MEX3A: variants seen among roughly 807,000 people sequenced by gnomAD.
The protein encoded by MEX3A is mex-3 RNA binding family member A, also known as RNA-binding protein MEX3A.
In MEX3A, 4 loss-of-function variants were observed where a neutral mutation model predicts 30.0. The observed-to-expected ratio is 0.13, with a 90% CI of 0.07 to 0.30. The LOEUF (loss-of-function observed/expected upper bound fraction) is 0.30, where lower values mean the gene tolerates loss of function less well. Among genes scored for constraint, MEX3A ranks in the 10% least tolerant of loss-of-function variants. MEX3A has a pLI of 1.00. For missense variants in MEX3A, 555 were observed against 736.7 expected, an observed-to-expected ratio of 0.75 and a Z score of 2.86; for synonymous variants, 335 against 327.6, an observed-to-expected ratio of 1.02 and a Z score of -0.24.
Position 156,082,464 on chromosome 1 carries a change from T to C in MEX3A, c.-466A>G. ...AGCCCCTTCCAGCGCTCAAACTCTTTTGTTTTAAATGAACTGGATGGAGCA... is the reference window on the plus strand; with the variant it reads ...AGCCCCTTCCAGCGCTCAAACTCTTCTGTTTTAAATGAACTGGATGGAGCA... On this transcript the variant is annotated 5_prime_UTR_variant, in exon 1 of 2. Coordinates refer to ENST00000532414, the MANE Select transcript of MEX3A (RefSeq NM_001093725.2). 6.3e-6 allele frequency: 1 copy of C among 157,950 alleles called. No homozygotes were observed. The highest frequency in any genetic ancestry group is 1.4e-5 in the Non-Finnish European group (1 of 71,850). 9.8% of individuals were successfully genotyped at this position (157,950 alleles called of 1,614,324 possible).
In MEX3A at chr1:156,077,813, C is replaced by T. The variant is rs1176429355; in HGVS notation, c.455-131G>A. On this transcript the variant is annotated intron_variant, in intron 1 of 1. Coordinates refer to ENST00000532414, the MANE Select transcript of MEX3A (RefSeq NM_001093725.2). The surrounding 1 kb of genome is among the most constrained non-coding windows in gnomAD (Gnocchi z 8.3). ...ACACTTCAGTCTACCCTTTGAAATG[C>T]CCACTGCTGCACACACAGTCCACCC... The T allele has an allele frequency of 8.4e-6, 11 of 1,311,782 alleles. No individual in the cohort carries two copies. The East Asian group carries it at 1.5e-4, about 18-fold the overall frequency. The allele number at this position is 1,311,782 out of a possible 1,614,324, so 81.3% of individuals were successfully genotyped here.
rs913157465 is a variant in MEX3A, at chr1:156,072,788, C to A, written c.*3786G>T. The A allele has an allele frequency of 1.3e-5, 2 of 152,646 alleles. No homozygotes were observed. The highest frequency in any genetic ancestry group is 4.8e-5 in the African/African-American group (2 of 41,446). The allele number at this position is 152,646 out of a possible 1,614,324, so 9.5% of individuals were successfully genotyped here. A position where few individuals can be genotyped will look rare whatever the true frequency, so the allele number is the denominator to read the frequency against. ...AAGTCCCTGTGCCTTTCCCCAGCCT[C>A]TGTGCCCATGGGGATGCCTTTCTCC... On this transcript the variant is annotated 3_prime_UTR_variant, in exon 2 of 2. Transcript: ENST00000532414.
rs1257864013 is a variant in MEX3A at position 156,076,863 on chromosome 1, G to A, written c.1274C>T (p.Ala425Val). 4.6e-6 allele frequency: 7 copies of A among 1,536,340 alleles called. No homozygotes were observed. Among genetic ancestry groups the A allele is most frequent in the Non-Finnish European group, 6.1e-6 (7 of 1,140,900 alleles). ...CGCGGAAGTGGCAGGGGAGCGGTGT[G>A]CGCCCGGGGGCCCAGCGCGGGCCTT... ...SAKARAGPPG[A>V]HRSPATSAGP... The change falls in exon 2 of 2, where the codon GCA becomes GTA. Residue 425 changes from alanine to valine, a missense_variant. Around this residue, in one of 6 missense-constraint regions of MEX3A, gnomAD observed 281 missense variants for 265.1 expected, o/e 1.06. Transcript: ENST00000532414. This position sits in a 1 kb window ranked among gnomAD's most constrained non-coding sequence, Gnocchi z 6.0.
chr1:156,080,646 C>T (rs192976548), intron 1 of MEX3A, among the ~76,000 whole-genome samples: 1 of 152,248 alleles, frequency 6.6e-6, no homozygotes, highest in East Asian at 1.9e-4. Context: ...ACTCACCCAC[C>T]CAGGGATGCT....
chr1:156,076,790 G>T lies in MEX3A; in HGVS notation c.1347C>A (p.Leu449=). ...CCCCACCAAGTTTAGAGAAGCCCTG[G>T]AGCGGCTCTCCCGGGGGGCGCCTCG... is the stretch of plus-strand genomic sequence containing the variant. ...GLPRRPPGEP[L]QGFSKLGGGG... Residue 449 remains leucine (L), a synonymous_variant, in exon 2 of 2, where the codon CTC becomes CTA. Coordinates refer to ENST00000532414, the MANE Select transcript of MEX3A (RefSeq NM_001093725.2). The surrounding 1 kb of genome is among the most constrained non-coding windows in gnomAD (Gnocchi z 6.0). 1.9e-6 allele frequency: 3 copies of T among 1,572,108 alleles called. No homozygotes were observed. The highest frequency in any genetic ancestry group is 2.6e-6 in the Non-Finnish European group (3 of 1,158,930).
In MEX3A at chr1:156,077,051, GTCCCCGCCCTGC is replaced by G; in HGVS notation, c.1074_1085del (p.Glu358_Gly361del). The G allele has an allele frequency of 1.9e-6, 3 of 1,613,902 alleles. No individual in the cohort carries two copies. The highest frequency in any genetic ancestry group is 2.5e-6 in the Non-Finnish European group (3 of 1,179,838). The stretch of plus-strand genomic sequence containing the variant: ...GAAAGAGGTACCCGCCGTAGCCAAA[GTCCCCGCCCTGC>G]TCACCCAGGCGTGGGGCCTCAAAGC... On this transcript the variant is annotated inframe_deletion, in exon 2 of 2. Transcript: ENST00000532414. This position sits in a 1 kb window ranked among gnomAD's most constrained non-coding sequence, Gnocchi z 8.3.
At chr1:156,081,216 C>A (rs1309049828) in intron 1 of MEX3A, among the ~76,000 whole-genome samples, 1 of 152,196 alleles carries the variant, frequency 6.6e-6, no homozygotes, top group Non-Finnish European at 1.5e-5. Flanking sequence ...TTGCACATTC[C>A]GTCAGTTTTT....
Position 156,072,078 on chromosome 1 carries a change from C to T in MEX3A, c.*4496G>A, listed in dbSNP as rs1647922138. Reference sequence around the variant, plus strand: ...CACATTTAATACATTAACCCTCCCCCTTCTTGGTTTCTCTGCATTTTGTGC... The same window carrying T: ...CACATTTAATACATTAACCCTCCCCTTTCTTGGTTTCTCTGCATTTTGTGC... On this transcript the variant is annotated 3_prime_UTR_variant, in exon 2 of 2. Transcript: ENST00000532414. 6.5e-6 allele frequency: 1 copy of T among 152,778 alleles called. No individual in the cohort carries two copies. The highest frequency in any genetic ancestry group is 2.4e-5 in the African/African-American group (1 of 41,452). 9.5% of individuals were successfully genotyped at this position (152,778 alleles called of 1,614,324 possible). A position where few individuals can be genotyped will look rare whatever the true frequency, so the allele number is the denominator to read the frequency against.
rs1202084026 is a variant in MEX3A, at chr1:156,076,442, C to T, written c.*132G>A. 22 of 952,132 alleles carry T rather than the reference C, an allele frequency of 2.3e-5. No individual in the cohort carries two copies. In the East Asian group the frequency reaches 2.5e-4, roughly 11 times the overall value. 59.0% of individuals were successfully genotyped at this position (952,132 alleles called of 1,614,324 possible). ...ACCCTCCAGCCACCACTGCCTCCCT[C>T]CCCCCTTCCCCAGCGAGCGAGTATC... On this transcript the variant is annotated 3_prime_UTR_variant, in exon 2 of 2. Transcript: ENST00000532414. This position sits in a 1 kb window ranked among gnomAD's most constrained non-coding sequence, Gnocchi z 6.0.
chr1:156,073,863 G>T lies in MEX3A; in HGVS notation c.*2711C>A, dbSNP rs1424318122. Reference sequence around the variant, plus strand: ...GCGACAGGGCAGGGGAAAGTGGTGGGGGACACCCCAGGATCCTCAGTCCTT... The same window carrying T: ...GCGACAGGGCAGGGGAAAGTGGTGGTGGACACCCCAGGATCCTCAGTCCTT... On this transcript the variant is annotated 3_prime_UTR_variant, in exon 2 of 2. Transcript: ENST00000532414. 1 of 152,706 alleles carries T rather than the reference G, an allele frequency of 6.5e-6. No homozygotes were observed. Among genetic ancestry groups the T allele is most frequent in the Non-Finnish European group, 1.5e-5 (1 of 68,016 alleles). The allele number at this position is 152,706 out of a possible 1,614,324, so 9.5% of individuals were successfully genotyped here. A position where few individuals can be genotyped will look rare whatever the true frequency, so the allele number is the denominator to read the frequency against.
In MEX3A at chr1:156,082,065, GGA is replaced by G; in HGVS notation, c.-69_-68del. On this transcript the variant is annotated 5_prime_UTR_variant, in exon 1 of 2. Coordinates refer to ENST00000532414, the MANE Select transcript of MEX3A (RefSeq NM_001093725.2). ...GAGAGAGGTGGTGGAAGGGAAAAGA[GGA>G]GAGAGGAGGGGAGGGGAGAGGAGAG... 1.4e-6 allele frequency: 1 copy of G among 734,206 alleles called. No homozygotes were observed. Among genetic ancestry groups the G allele is most frequent in the Non-Finnish European group, 2.0e-6 (1 of 504,894 alleles). 45.5% of individuals were successfully genotyped at this position (734,206 alleles called of 1,614,324 possible).
In MEX3A at chr1:156,077,159, G is replaced by T; in HGVS notation, c.978C>A (p.Pro326=). The change falls in exon 2 of 2, where the codon CCC becomes CCA. Residue 326 remains proline (P), a synonymous_variant. Coordinates refer to ENST00000532414, the MANE Select transcript of MEX3A (RefSeq NM_001093725.2). The surrounding 1 kb of genome is among the most constrained non-coding windows in gnomAD (Gnocchi z 8.3). ...RYSDAWRVHQ[P]GCKPLSTFRQ... is the part of the protein sequence containing the mutation. ...GGAAGGTGGAGAGGGGCTTGCAGCC[G>T]GGCTGGTGCACCCGCCAGGCGTCGG... The T allele has an allele frequency of 6.2e-7, 1 of 1,613,512 alleles. No homozygotes were observed.
At position 156,077,219 on chromosome 1, in the gene MEX3A, C is replaced by T. The variant is rs375692211; in HGVS notation, c.918G>A (p.Ala306=). Residue 306 remains alanine (A), a synonymous_variant, in exon 2 of 2, where the codon GCG becomes GCA. Coordinates refer to ENST00000532414, the MANE Select transcript of MEX3A (RefSeq NM_001093725.2). The surrounding 1 kb of genome is among the most constrained non-coding windows in gnomAD (Gnocchi z 8.3). Reference sequence around the variant, plus strand: ...TATCGATTGCTGCGTCGGGGCTCCCCGCCAGGAAGTCGTTTTCATTGTTGT... The same window carrying T: ...TATCGATTGCTGCGTCGGGGCTCCCTGCCAGGAAGTCGTTTTCATTGTTGT... ...LEYNNENDFL[A]GSPDAAIDSR... 1.4e-5 allele frequency: 23 copies of T among 1,613,532 alleles called. No homozygotes were observed. The African/African-American group carries it at 2.7e-4, about 19-fold the overall frequency.
In MEX3A at chr1:156,075,433, AC is replaced by A. The variant is rs1648029429; in HGVS notation, c.*1140del. Reference sequence around the variant, plus strand: ...CTACTCTGGCGCCCCCACTTCCACAACCAGAAAATCCAGCCCAAGAACTACT... The same window carrying A: ...CTACTCTGGCGCCCCCACTTCCACAACAGAAAATCCAGCCCAAGAACTACT... On this transcript the variant is annotated 3_prime_UTR_variant, in exon 2 of 2. Coordinates refer to ENST00000532414, the MANE Select transcript of MEX3A (RefSeq NM_001093725.2). The A allele has an allele frequency of 6.6e-6, 1 of 152,518 alleles. No homozygotes were observed. Among genetic ancestry groups the A allele is most frequent in the Admixed American group, 6.6e-5 (1 of 15,266 alleles). 9.4% of individuals were successfully genotyped at this position (152,518 alleles called of 1,614,324 possible).
In MEX3A at chr1:156,081,697, G is replaced by T. The variant is rs112954736; in HGVS notation, c.302C>A (p.Pro101His). 7 of 1,351,306 alleles carry T rather than the reference G, an allele frequency of 5.2e-6. No homozygotes were observed. The East Asian group carries it at 2.3e-4, about 44-fold the overall frequency. The allele number at this position is 1,351,306 out of a possible 1,614,324, so 83.7% of individuals were successfully genotyped here. ...CCCTTTGGGGGCGGTGGGGGGCTGG[G>T]GCGTCTGCGCTGCGGGGGCCGCCGT... ...APTAAPAAQT[P>H]QPPTAPKGAS... is the part of the protein sequence containing the mutation. The change falls in exon 1 of 2, where the codon CCC becomes CAC. Residue 101 changes from proline (P) to histidine (H), a missense_variant. Pro to His is a moderately conservative substitution (Grantham distance 77). Transcript: ENST00000532414.
Position 156,076,769 on chromosome 1 carries a change from A to G in MEX3A, c.1368T>C (p.Gly456=), listed in dbSNP as rs1345517806. ...GEPLQGFSKL[G]GGGLRSPGGG... is the part of the protein sequence containing the mutation. ...CGCCGGGGCTCCGCAGGCCGCCCCC[A>G]CCAAGTTTAGAGAAGCCCTGGAGCG... Residue 456 remains glycine, a synonymous_variant, in exon 2 of 2, where the codon GGT becomes GGC. Transcript: ENST00000532414. The surrounding 1 kb of genome is among the most constrained non-coding windows in gnomAD (Gnocchi z 6.0). 1 of 1,592,238 alleles carries G rather than the reference A, an allele frequency of 6.3e-7. No homozygotes were observed. The highest frequency in any genetic ancestry group is 1.3e-5 in the African/African-American group (1 of 74,638).
chr1:156,081,216 C>T (rs1309049828), intron 1 of MEX3A, among the ~76,000 whole-genome samples: 1 of 152,196 alleles, frequency 6.6e-6, no homozygotes, highest in Admixed American at 6.5e-5. Context: ...TTGCACATTC[C>T]GTCAGTTTTT....
At chr1:156,078,430 C>T (rs976107003) in intron 1 of MEX3A, among the ~76,000 whole-genome samples, 2 of 152,156 alleles carry the variant, frequency 1.3e-5, no homozygotes, top group Non-Finnish European at 1.5e-5. Context: ...CCCCGTGTCA[C>T]TCTTGTCCCC....
At position 156,077,017 on chromosome 1, in the gene MEX3A, C is replaced by T. The variant is rs552891984; in HGVS notation, c.1120G>A (p.Gly374Ser). Reference protein sequence around the residue: ...GYGGYLFPGYGVGKQDVYYGV... With the variant: ...GYGGYLFPGYSVGKQDVYYGV... ...TAGTACACATCCTGCTTGCCCACGC[C>T]ATAGCCCGGAAAGAGGTACCCGCCG... Residue 374 changes from glycine to serine, a missense_variant, in exon 2 of 2, where the codon GGC (glycine) becomes AGC (serine). Physicochemically the swap from Gly to Ser is moderately conservative, Grantham distance 56. This residue lies in a region of MEX3A where 281 missense variants were observed against 265.1 expected (regional missense o/e 1.06). Transcript: ENST00000532414. The surrounding 1 kb of genome is among the most constrained non-coding windows in gnomAD (Gnocchi z 8.3). The T allele has an allele frequency of 6.2e-7, 1 of 1,613,634 alleles. No individual in the cohort carries two copies. Among genetic ancestry groups the T allele is most frequent in the South Asian group, 1.1e-5 (1 of 91,082 alleles).
Sources: allele counts gnomAD v4.1 joint callset (sites outside exome capture counted in the v4.1 genomes callset), GRCh38; gene constraint gnomAD v4.1.1; regional missense constraint gnomAD v4.1.1; non-coding constraint Gnocchi (gnomAD v3.1); transcripts MANE v1.5; gene names NCBI Gene and HGNC (gene_info 2026-07-23, HGNC 2026-07-21).